The following ARIH2 variants were observed in gnomAD, a reference collection of about 807,000 sequenced individuals.
ARIH2 encodes ariadne RBR E3 ubiquitin protein ligase 2.
Under a neutral mutation model 79.8 loss-of-function variants are expected in ARIH2, and 12 were observed. The observed-to-expected ratio is 0.15, with a 90% confidence interval of 0.10 to 0.24. The LOEUF is 0.24. Among genes scored for constraint, ARIH2 ranks in the 10% least tolerant of loss-of-function variants. The pLI, the probability that ARIH2 is intolerant of heterozygous loss-of-function variation, is 1.00. For missense variants in ARIH2, 301 were observed against 618.3 expected, an observed-to-expected ratio of 0.49 and a Z score of 5.44; for synonymous variants, 224 against 213.9, an observed-to-expected ratio of 1.05 and a Z score of -0.41.
intron 1 of ARIH2, among the ~76,000 whole-genome samples, chr3:48,919,606 A>G (rs1253624355): frequency 6.6e-6 from 1 of 152,212 alleles, no homozygotes; most frequent in Non-Finnish European, 1.5e-5. Context: ...CATGGTAGCT[A>G]CTAGCCACAC....
At chr3:48,949,527 T>G (rs1419839977) in intron 3 of ARIH2, among the ~76,000 whole-genome samples, 1 of 152,238 alleles carries the variant, frequency 6.6e-6, no homozygotes, top group Non-Finnish European at 1.5e-5. Context: ...GTATTTTAGG[T>G]CTTCTGGATT....
At chr3:48,925,784 T>C (rs1006608189) in intron 2 of ARIH2, among the ~76,000 whole-genome samples, 25 of 151,656 alleles carry the variant, frequency 1.6e-4, no homozygotes, top group African/African-American at 5.6e-4. Context: ...AGTGGCGGGA[T>C]CTCGGCTCAC....
rs2092896280 is a variant in ARIH2, at chr3:48,986,117, C to T, written c.*2847C>T. 6.6e-6 allele frequency: 1 copy of T among 152,090 alleles called. No homozygotes were observed. Among genetic ancestry groups the T allele is most frequent in the Non-Finnish European group, 1.5e-5 (1 of 68,066 alleles). The allele number at this position is 152,090 out of a possible 1,614,324, so 9.4% of individuals were successfully genotyped here. On this transcript the variant is annotated 3_prime_UTR_variant, in exon 16 of 16. Coordinates refer to ENST00000356401, the MANE Select transcript of ARIH2 (RefSeq NM_006321.4). ...GTAGCTCAGGGGTAGAGTGGAGGCT[C>T]CATAGCTGTGGGCAACATGCACAGG... is the stretch of plus-strand genomic sequence containing the variant.
At chr3:48,934,846 G>C (rs76000034) in intron 3 of ARIH2, 12,912 of 985,376 alleles carry the variant, frequency 0.013, 108 homozygotes, top group Non-Finnish European at 0.014. Flanking sequence ...TTCCAGAAAA[G>C]AAGCTCTTCA....
At chr3:48,934,506 G>A (rs752313433) in intron 3 of ARIH2, 190 of 985,208 alleles carry the variant, frequency 1.9e-4, no homozygotes, top group Non-Finnish European at 2.3e-4. Context: ...GAGTGTTTGT[G>A]TGCTGAGCAG....
At chr3:48,972,687 G>A (rs1056566110) in intron 8 of ARIH2, among the ~76,000 whole-genome samples, 3 of 152,066 alleles carry the variant, frequency 2.0e-5, no homozygotes, top group Non-Finnish European at 4.4e-5. Flanking sequence ...TGTTGCCTAG[G>A]TTGGTTGGTC....
intron 8 of ARIH2, among the ~76,000 whole-genome samples, chr3:48,972,029 C>T (rs148258136): frequency 1.3e-5 from 2 of 152,206 alleles, no homozygotes; most frequent in Non-Finnish European, 2.9e-5. Flanking sequence ...AGATTTTGCA[C>T]GTTCTGGCAT....
chr3:48,979,914 C>A, intron 12 of ARIH2: 2 of 250,660 alleles, frequency 8.0e-6, no homozygotes, highest in Non-Finnish European at 1.5e-5. Context: ...CTAGTACCAT[C>A]TTTTTTTTTT....
intron 8 of ARIH2, among the ~76,000 whole-genome samples, chr3:48,973,315 C>T (rs2092340196): frequency 2.0e-5 from 3 of 152,104 alleles, no homozygotes; most frequent in East Asian, 1.9e-4. Flanking sequence ...CGGTGGCTCA[C>T]GCCTGTAATC....
intron 3 of ARIH2, among the ~76,000 whole-genome samples, chr3:48,940,201 G>C (rs1002920652): frequency 2.0e-5 from 3 of 151,728 alleles, no homozygotes; most frequent in African/African-American, 7.3e-5. Flanking sequence ...GCGAGACTCC[G>C]TCTCAAAAAA....
intron 2 of ARIH2, among the ~76,000 whole-genome samples, chr3:48,926,242 C>CAT (rs2085575057): frequency 6.8e-6 from 1 of 148,062 alleles, no homozygotes; most frequent in African/African-American, 2.5e-5. Context: ...GAGTTTCCCT[C>CAT]GTGTGTGTGT....
At chr3:48,966,152 C>T (rs1486675707) in intron 5 of ARIH2, among the ~76,000 whole-genome samples, 2 of 152,022 alleles carry the variant, frequency 1.3e-5, no homozygotes. Flanking sequence ...AGGAGCTAAA[C>T]GAACATATGT....
intron 8 of ARIH2, among the ~76,000 whole-genome samples, chr3:48,972,137 C>G (rs73082337): frequency 0.13 from 19,607 of 152,190 alleles, 1,420 homozygotes; most frequent in Middle Eastern, 0.18. Context: ...GAGTCCTTCT[C>G]AGAGCACCTC....
chr3:48,983,131 G>A, intron 15 of ARIH2, 68 bp from the exon 16 acceptor site: 1 of 1,583,646 alleles, frequency 6.3e-7, no homozygotes, highest in Admixed American at 1.7e-5. Flanking sequence ...GAGGGTGTTT[G>A]TGGCTTTGGC....
intron 14 of ARIH2, 48 bp from the exon 15 acceptor site, chr3:48,982,848 C>G: frequency 6.7e-7 from 1 of 1,495,728 alleles, no homozygotes; most frequent in Non-Finnish European, 9.3e-7. Flanking sequence ...AGGCCCTGCC[C>G]CAGCCACAGC....
Position 48,927,727 on chromosome 3 carries a change from G to T in ARIH2, c.169G>T (p.Glu57Ter). 6.2e-7 allele frequency: 1 copy of T among 1,614,204 alleles called. No homozygotes were observed. Among genetic ancestry groups the T allele is most frequent in the Non-Finnish European group, 8.5e-7 (1 of 1,180,038 alleles). Residue 57 changes from glutamate to a stop codon, truncating the protein, a stop_gained, in exon 3 of 16, where the codon GAG (glutamate) becomes TAG (stop). Transcript: ENST00000356401. LOFTEE classifies it high-confidence loss of function. ...GCAGGGGGCTGATGCCTTTGATCCC[G>T]AGGAGTACCAGTTCACTTGCTTGAC... The part of the protein sequence containing the change: ...EQQGADAFDP[E>*]EYQFTCLTYK...
At chr3:48,977,560 C>T (rs1171911047) in intron 11 of ARIH2, among the ~76,000 whole-genome samples, 3 of 152,188 alleles carry the variant, frequency 2.0e-5, no homozygotes, top group African/African-American at 7.2e-5. Context: ...TGGGTTCAAG[C>T]GATTCTCCTG....
At chr3:48,927,012 A>G (rs1179824854) in intron 2 of ARIH2, 1 of 155,418 alleles carries the variant, frequency 6.4e-6, no homozygotes, top group Non-Finnish European at 1.4e-5. Flanking sequence ...TACATATTAC[A>G]GCAGGAAGTG....
chr3:48,951,604 A>G (rs1470429806), intron 3 of ARIH2, among the ~76,000 whole-genome samples: 3 of 152,088 alleles, frequency 2.0e-5, no homozygotes, highest in African/African-American at 7.3e-5. Context: ...TGTCTTTACT[A>G]TATAAAGAGC....
Sources: gnomAD v4.1 joint callset for allele counts (sites outside exome capture counted in the v4.1 genomes callset) on GRCh38, gnomAD v4.1.1 for gene constraint, MANE v1.5 for transcripts, NCBI Gene and HGNC (gene_info 2026-07-23, HGNC 2026-07-21) for gene names.